The following CFAP299 variants were observed in gnomAD, a reference collection of about 807,000 sequenced individuals.
CFAP299 encodes cilia and flagella associated protein 299, also known as cilia- and flagella-associated protein 299.
Under a neutral mutation model 27.0 loss-of-function variants are expected in CFAP299, and 21 were observed. That is an observed-to-expected ratio of 0.78 (90% confidence interval 0.55 to 1.12). The LOEUF (loss-of-function observed/expected upper bound fraction) is 1.12. CFAP299 is among the 50% of genes most tolerant of loss of function. The pLI is 0.00. For synonymous variants in CFAP299, 104 were observed against 98.1 expected (o/e 1.06, Z -0.36); for missense variants, 310 against 276.6 (o/e 1.12, Z -0.86).
Position 80,504,385 on chromosome 4 carries a change from A to G in CFAP299, c.243-78708A>G, listed in dbSNP as rs551464182. 1.4e-3 allele frequency among the ~76,000 whole-genome samples: 197 copies of G among 143,250 alleles called. 3 individuals carry two copies. Among genetic ancestry groups the G allele is most frequent in the Non-Finnish European group, 2.3e-3 (150 of 66,298 alleles). The allele number at this position is 143,250 out of a possible 152,430, so 94.0% of individuals were successfully genotyped here. On this transcript the variant is annotated intron_variant, in intron 2 of 5. Coordinates refer to ENST00000358105, the MANE Select transcript of CFAP299 (RefSeq NM_152770.3). ...CTTTCTTGCCTGGGATTTTTCTTCA[A>G]TTTTATTGTTTACTTCTTTTTAACT...
chr4:80,666,500 GA>G (rs1741147094), intron 3 of CFAP299, among the ~76,000 whole-genome samples: 1 of 151,562 alleles, frequency 6.6e-6, no homozygotes, highest in South Asian at 2.1e-4. Flanking sequence ...ACCACTATTT[GA>G]AAAAGAAAAG....
chr4:80,793,099 ATGTGTG>A lies in CFAP299; in HGVS notation c.334-76870_334-76865del, dbSNP rs149555055. 2.3e-3 allele frequency among the ~76,000 whole-genome samples: 335 copies of A among 145,232 alleles called. 3 individuals carry two copies. Among genetic ancestry groups the A allele is most frequent in the Non-Finnish European group, 4.3e-3 (284 of 65,662 alleles). On this transcript the variant is annotated intron_variant, in intron 3 of 5. Coordinates refer to ENST00000358105, the MANE Select transcript of CFAP299 (RefSeq NM_152770.3). ...ATAGGATATTTATATCCTATTAGTT[ATGTGTG>A]TGTGTGTGTGTGTGTGTGTGTGTAT...
chr4:80,491,826 C>T (rs1024284759), intron 2 of CFAP299, among the ~76,000 whole-genome samples: 12 of 152,086 alleles, frequency 7.9e-5, no homozygotes, highest in African/African-American at 2.7e-4. Context: ...TTTGAAATGG[C>T]CCTGCAAAGC....
At chr4:80,767,618 A>T (rs1346573907) in intron 3 of CFAP299, among the ~76,000 whole-genome samples, 1 of 152,162 alleles carries the variant, frequency 6.6e-6, no homozygotes, top group Non-Finnish European at 1.5e-5. Flanking sequence ...CAAAAAAATT[A>T]AAAAAATAAA....
At chr4:80,335,903 A>G (rs781568527) in intron 1 of CFAP299, 24 bp downstream of exon 1, 2 of 1,440,180 alleles carry the variant, frequency 1.4e-6, no homozygotes, top group Non-Finnish European at 2.0e-6. Context: ...GCGGCAGAGT[A>G]GCCGCCGCCG....
At chr4:80,771,823 T>C (rs1161748708) in intron 3 of CFAP299, among the ~76,000 whole-genome samples, 7 of 152,192 alleles carry the variant, frequency 4.6e-5, no homozygotes. Flanking sequence ...TGACTAGAAG[T>C]TGCAAGCATT....
At chr4:80,554,631 G>T (rs533022957) in intron 2 of CFAP299, among the ~76,000 whole-genome samples, 1 of 150,098 alleles carries the variant, frequency 6.7e-6, no homozygotes, top group East Asian at 2.0e-4. Context: ...CTATCCATAA[G>T]CATGAGATGT....
intron 3 of CFAP299, among the ~76,000 whole-genome samples, chr4:80,604,970 T>G (rs1441935484): frequency 1.3e-5 from 2 of 151,410 alleles, no homozygotes; most frequent in African/African-American, 2.4e-5. Flanking sequence ...TTCCTCAGAG[T>G]TTTTGAGTTT....
rs184654639 is a variant in CFAP299, at chr4:80,849,737, T to C, written c.334-20256T>C. Among the ~76,000 whole-genome samples the C allele has an allele frequency of 1.4e-4, 21 of 151,922 alleles. No individual in the cohort carries two copies. In the East Asian group the frequency reaches 3.5e-3, roughly 25 times the overall value. On this transcript the variant is annotated intron_variant, in intron 3 of 5. Transcript: ENST00000358105. The stretch of plus-strand genomic sequence containing the variant: ...TAGGGAGGGTAGAGGGAGGGAGAAA[T>C]GGTGAGAGGTTGGTCAGCAGATATA...
intron 1 of CFAP299, among the ~76,000 whole-genome samples, chr4:80,341,021 C>A (rs1274954357): frequency 2.6e-5 from 4 of 152,166 alleles, no homozygotes; most frequent in African/African-American, 7.2e-5. Context: ...GGTGATCCAC[C>A]CGCCTTGGCC....
chr4:80,618,803 T>C (rs1231066731), intron 3 of CFAP299, among the ~76,000 whole-genome samples: 1 of 152,046 alleles, frequency 6.6e-6, no homozygotes, highest in Admixed American at 6.6e-5. Context: ...GATTTTTACT[T>C]AGTGTAATAA....
At chr4:80,575,209 C>T (rs934559800) in intron 2 of CFAP299, among the ~76,000 whole-genome samples, 3 of 151,986 alleles carry the variant, frequency 2.0e-5, no homozygotes, top group African/African-American at 7.2e-5. Flanking sequence ...CATATCTATA[C>T]ATTTATTCAT....
chr4:80,961,114 T>C (rs747867145), intron 5 of CFAP299, among the ~76,000 whole-genome samples: 2 of 151,634 alleles, frequency 1.3e-5, no homozygotes, highest in Non-Finnish European at 3.0e-5. Context: ...AAAAACACAA[T>C]TACTGTTGAA....
At position 80,899,218 on chromosome 4, in the gene CFAP299, G is replaced by A. The variant is rs73829185; in HGVS notation, c.476+29083G>A. 7.7e-3 allele frequency among the ~76,000 whole-genome samples: 1,180 copies of A among 152,276 alleles called. 3 individuals are homozygous for A. The highest frequency in any genetic ancestry group is 0.014 in the Middle Eastern group (4 of 294). On this transcript the variant is annotated intron_variant, in intron 4 of 5. Coordinates refer to ENST00000358105, the MANE Select transcript of CFAP299 (RefSeq NM_152770.3). ...AGTCACTGGCACATAGCATATGCAA[G>A]TAAAAATTCTTCTATTATCATGAAC... is the stretch of plus-strand genomic sequence containing the variant.
chr4:80,956,532 A>G (rs935999185), intron 5 of CFAP299, among the ~76,000 whole-genome samples: 2 of 152,110 alleles, frequency 1.3e-5, no homozygotes, highest in Admixed American at 6.5e-5. Flanking sequence ...TCCTGGGCTC[A>G]TATGATCCCA....
chr4:80,507,177 G>A (rs1008966503), intron 2 of CFAP299, among the ~76,000 whole-genome samples: 7 of 152,064 alleles, frequency 4.6e-5, no homozygotes, highest in Non-Finnish European at 8.8e-5. Context: ...AAGCATGTAA[G>A]AGATTGCAGG....
chr4:80,727,195 T>C (rs1245738637), intron 3 of CFAP299, among the ~76,000 whole-genome samples: 1 of 152,114 alleles, frequency 6.6e-6, no homozygotes, highest in African/African-American at 2.4e-5. Context: ...TAGTAAAATA[T>C]GACATAGCCC....
At chr4:80,955,360 C>A (rs1738014725) in intron 5 of CFAP299, among the ~76,000 whole-genome samples, 1 of 152,124 alleles carries the variant, frequency 6.6e-6, no homozygotes, top group South Asian at 2.1e-4. Flanking sequence ...CTGTAAAAAT[C>A]TAAAAATGTA....
chr4:80,567,312 C>T (rs1735350890), intron 2 of CFAP299, among the ~76,000 whole-genome samples: 1 of 152,074 alleles, frequency 6.6e-6, no homozygotes. Context: ...ATTTGACCCT[C>T]ATTTCTTCTC....
Sources: gnomAD v4.1 joint callset for allele counts (sites outside exome capture counted in the v4.1 genomes callset) on GRCh38, gnomAD v4.1.1 for gene constraint, MANE v1.5 for transcripts, NCBI Gene and HGNC (gene_info 2026-07-23, HGNC 2026-07-21) for gene names.